TAFA4: variants seen among roughly 807,000 people sequenced by gnomAD.
TAFA4 encodes chemokine-like protein TAFA-4.
A neutral mutation model predicts 21.1 loss-of-function variants in TAFA4; 20 were observed. The ratio of observed to expected loss-of-function variants is 0.95; its 90% CI spans 0.67 to 1.38. TAFA4 has a LOEUF of 1.38. TAFA4 is among the 40% of genes most tolerant of loss of function. The probability of loss-of-function intolerance (pLI) is 0.00; values close to 1 mark genes in which losing one functional copy is unlikely to be tolerated. For synonymous variants in TAFA4, 71 were observed against 67.4 expected (o/e 1.05, Z -0.26); for missense variants, 211 against 180.9 (o/e 1.17, Z -0.95).
chr3:68,795,796 G>A (rs183150765), intron 3 of TAFA4, among the ~76,000 whole-genome samples: 6 of 152,280 alleles, frequency 3.9e-5, no homozygotes, highest in Admixed American at 3.3e-4. Flanking sequence ...AGCATTGAAG[G>A]GTTAGTTATT....
intron 1 of TAFA4, among the ~76,000 whole-genome samples, chr3:68,907,774 G>A (rs548042672): frequency 5.9e-5 from 9 of 152,268 alleles, no homozygotes; most frequent in Non-Finnish European, 1.2e-4. Context: ...CCACAACATC[G>A]ATGGTAAACT....
rs367666784 is a variant in TAFA4, at chr3:68,885,105, A to G, written c.14+70T>C. On this transcript the variant is annotated intron_variant, in intron 2 of 5. Coordinates refer to ENST00000295569, the MANE Select transcript of TAFA4 (RefSeq NM_182522.5). Reference sequence around the variant, plus strand: ...TAAAACGGATCATCAACTCCAGGATACTCACTTTTGCTAAATTCTCAATAC... The same window carrying G: ...TAAAACGGATCATCAACTCCAGGATGCTCACTTTTGCTAAATTCTCAATAC... 591 of 1,463,948 alleles carry G rather than the reference A, an allele frequency of 4.0e-4. 2 individuals carry two copies. The highest frequency in any genetic ancestry group is 5.3e-4 in the Non-Finnish European group (554 of 1,051,948). 90.7% of individuals were successfully genotyped at this position (1,463,948 alleles called of 1,614,324 possible).
intron 3 of TAFA4, among the ~76,000 whole-genome samples, chr3:68,879,028 C>A (rs1322675022): frequency 6.6e-6 from 1 of 152,094 alleles, no homozygotes; most frequent in Non-Finnish European, 1.5e-5. Context: ...TGTTTACACA[C>A]AGCAATCAAC....
At chr3:68,849,715 G>T (rs1487444381) in intron 3 of TAFA4, among the ~76,000 whole-genome samples, 10 of 152,190 alleles carry the variant, frequency 6.6e-5, no homozygotes, top group Non-Finnish European at 1.3e-4. Flanking sequence ...AAGTTTTGGA[G>T]TGGTTGCTTA....
chr3:68,778,203 T>C (rs1418461667), intron 3 of TAFA4, among the ~76,000 whole-genome samples: 3 of 152,000 alleles, frequency 2.0e-5, no homozygotes, highest in African/African-American at 7.3e-5. Context: ...GAATGAAAAA[T>C]ATATACCATG....
intron 1 of TAFA4, among the ~76,000 whole-genome samples, chr3:68,908,981 G>C (rs1235644452): frequency 6.6e-6 from 1 of 152,186 alleles, no homozygotes; most frequent in Non-Finnish European, 1.5e-5. Flanking sequence ...CAATGCAGTA[G>C]TCACTACCCA....
At chr3:68,822,626 C>G (rs147120859) in intron 3 of TAFA4, among the ~76,000 whole-genome samples, 7 of 152,234 alleles carry the variant, frequency 4.6e-5, no homozygotes, top group African/African-American at 1.7e-4. Flanking sequence ...GGAGTGCCAC[C>G]ATGCCCAGTT....
intron 4 of TAFA4, among the ~76,000 whole-genome samples, chr3:68,750,288 C>A (rs557807267): frequency 6.6e-6 from 1 of 152,076 alleles, no homozygotes; most frequent in African/African-American, 2.4e-5. Flanking sequence ...CAGAGCAAGA[C>A]CCTATCATTA....
intron 3 of TAFA4, among the ~76,000 whole-genome samples, chr3:68,862,121 T>C (rs975591440): frequency 6.6e-6 from 1 of 151,876 alleles, no homozygotes; most frequent in Non-Finnish European, 1.5e-5. Context: ...TGTGGGGAAA[T>C]AGTTTTCTGA....
chr3:68,909,831 G>A (rs2089942086), intron 1 of TAFA4, among the ~76,000 whole-genome samples: 1 of 152,210 alleles, frequency 6.6e-6, no homozygotes, highest in Non-Finnish European at 1.5e-5. Flanking sequence ...TCGGAAGCCT[G>A]CGTGTGGCTT....
chr3:68,808,288 A>G lies in TAFA4; in HGVS notation c.131-55270T>C, dbSNP rs560495716. Among the ~76,000 whole-genome samples the G allele has an allele frequency of 2.0e-5, 3 of 152,258 alleles. 1 individual carries two copies. The East Asian group carries it at 5.8e-4, about 29-fold the overall frequency. ...GTTTCCAGCTGGTCCTGGGCCCTCA[A>G]CCGTCCCACCTGAGTCCAGCAATTG... On this transcript the variant is annotated intron_variant, in intron 3 of 5. Coordinates refer to ENST00000295569, the MANE Select transcript of TAFA4 (RefSeq NM_182522.5).
chr3:68,777,122 G>A (rs962669373), intron 3 of TAFA4, among the ~76,000 whole-genome samples: 4 of 136,272 alleles, frequency 2.9e-5, no homozygotes, highest in African/African-American at 1.1e-4. Context: ...AATGAGTGCT[G>A]GAAATTATAA....
intron 4 of TAFA4, among the ~76,000 whole-genome samples, chr3:68,746,723 C>T (rs1359437132): frequency 6.6e-6 from 1 of 152,144 alleles, no homozygotes; most frequent in Admixed American, 6.5e-5. Context: ...TTGTTAGTTC[C>T]ACAAAGTACA....
intron 3 of TAFA4, among the ~76,000 whole-genome samples, chr3:68,871,061 T>C (rs1235814652): frequency 6.6e-6 from 1 of 152,100 alleles, no homozygotes; most frequent in Non-Finnish European, 1.5e-5. Context: ...AAACAACAGA[T>C]GCGGTAGAGG....
At chr3:68,816,925 T>A (rs1260744175) in intron 3 of TAFA4, among the ~76,000 whole-genome samples, 2 of 152,214 alleles carry the variant, frequency 1.3e-5, no homozygotes, top group African/African-American at 4.8e-5. Flanking sequence ...TTTATGCTGG[T>A]GGAAGGTCTT....
chr3:68,810,989 T>C (rs1298023539), intron 3 of TAFA4, among the ~76,000 whole-genome samples: 2 of 152,108 alleles, frequency 1.3e-5, no homozygotes, highest in African/African-American at 4.8e-5. Context: ...AGAGGAACAA[T>C]CAGGCTGCAA....
intron 3 of TAFA4, among the ~76,000 whole-genome samples, chr3:68,842,313 T>A (rs548265217): frequency 8.5e-5 from 13 of 152,354 alleles, no homozygotes; most frequent in African/African-American, 2.2e-4. Context: ...ATGAGCTTTT[T>A]TTCATATGTT....
chr3:68,898,346 T>C (rs1385013992), intron 1 of TAFA4, among the ~76,000 whole-genome samples: 2 of 152,208 alleles, frequency 1.3e-5, no homozygotes, highest in African/African-American at 2.4e-5. Flanking sequence ...TAATCTGTTA[T>C]AATGATAATG....
intron 3 of TAFA4, among the ~76,000 whole-genome samples, chr3:68,756,056 T>C (rs1005849925): frequency 2.0e-5 from 3 of 152,164 alleles, no homozygotes; most frequent in African/African-American, 7.2e-5. Flanking sequence ...AACTACACTC[T>C]CATGGGAAAT....
Sources: allele counts gnomAD v4.1 joint callset (sites outside exome capture counted in the v4.1 genomes callset), GRCh38; gene constraint gnomAD v4.1.1; transcripts MANE v1.5; gene names NCBI Gene and HGNC (gene_info 2026-07-23, HGNC 2026-07-21).